Variants in CEP85 observed in about 807,000 individuals in gnomAD.
The protein encoded by CEP85 is centrosomal protein of 85 kDa.
CEP85 carries 58 observed loss-of-function variants against 93.7 expected under a neutral mutation model. The ratio of observed to expected loss-of-function variants is 0.62; its 90% CI spans 0.50 to 0.77. The LOEUF is 0.77. Among genes scored for constraint, CEP85 ranks in the 30% least tolerant of loss-of-function variants. CEP85 has a pLI of 0.00. For synonymous variants in CEP85, 314 were observed against 338.6 expected, an observed-to-expected ratio of 0.93 and a Z score of 0.80; for missense variants, 868 against 922.0, an observed-to-expected ratio of 0.94 and a Z score of 0.76.
intron 3 of CEP85, among the ~76,000 whole-genome samples, chr1:26,252,904 C>A (rs1408587268): frequency 6.6e-6 from 1 of 152,168 alleles, no homozygotes; most frequent in African/African-American, 2.4e-5. Context: ...CTCGATTCCC[C>A]CTGCTCCCAG....
rs181789768 is a variant in CEP85 at position 26,258,303 on chromosome 1, C to T, written c.1155+43C>T. ...GGATGGCATTCTGTTTGTCATAACTCGGTGTCTTCCCTATGCTTGACACCA... is the reference window on the plus strand; with the variant it reads ...GGATGGCATTCTGTTTGTCATAACTTGGTGTCTTCCCTATGCTTGACACCA... On this transcript the variant is annotated intron_variant, in intron 6 of 13. Transcript: ENST00000451429. The T allele has an allele frequency of 7.4e-4, 949 of 1,286,406 alleles. 1 individual carries two copies. The highest frequency in any genetic ancestry group is 1.0e-3 in the Non-Finnish European group (911 of 882,752). 79.7% of individuals were successfully genotyped at this position (1,286,406 alleles called of 1,614,324 possible). A position where few individuals can be genotyped will look rare whatever the true frequency, so the allele number is the denominator to read the frequency against.
chr1:26,260,003 C>G (rs910429895), intron 7 of CEP85, among the ~76,000 whole-genome samples: 1 of 152,134 alleles, frequency 6.6e-6, no homozygotes, highest in African/African-American at 2.4e-5. Context: ...TGCTTCATCT[C>G]CACAAAACCA....
intron 7 of CEP85, among the ~76,000 whole-genome samples, chr1:26,267,440 T>A (rs1408318194): frequency 6.6e-6 from 1 of 152,144 alleles, no homozygotes; most frequent in Non-Finnish European, 1.5e-5. Context: ...GGCGGGTGCC[T>A]GTAATCCCAG....
At chr1:26,275,362 C>T (rs566936968) in intron 12 of CEP85, among the ~76,000 whole-genome samples, 1 of 151,282 alleles carries the variant, frequency 6.6e-6, no homozygotes, top group Non-Finnish European at 1.5e-5. Context: ...CTCACTGCAA[C>T]CTCCGCCTCC....
intron 3 of CEP85, among the ~76,000 whole-genome samples, chr1:26,250,293 C>T (rs1335957891): frequency 6.6e-6 from 1 of 152,180 alleles, no homozygotes; most frequent in Non-Finnish European, 1.5e-5. Context: ...TCTGTCAGAT[C>T]AGTGGTGACA....
rs550020719 is a variant in CEP85, at chr1:26,252,222, G to A, written c.209-2949G>A. Among the ~76,000 whole-genome samples the A allele has an allele frequency of 1.8e-4, 25 of 140,722 alleles. No individual in the cohort carries two copies. In the Middle Eastern group the frequency reaches 0.014, roughly 81 times the overall value. The allele number at this position is 140,722 out of a possible 152,430, so 92.3% of individuals were successfully genotyped here. ...CTCCAGCCTGGACAACAGAGTGAGT[G>A]AGACCCCATCTCAAAAAAGAAAAAA... On this transcript the variant is annotated intron_variant, in intron 3 of 13. Transcript: ENST00000451429.
chr1:26,277,082 ACATGAAAATGTCT>A lies in CEP85; in HGVS notation c.2129-50_2129-38del, dbSNP rs770963488. The A allele has an allele frequency of 1.0e-5, 16 of 1,568,724 alleles. No individual in the cohort carries two copies. The Admixed American group carries it at 1.3e-4, about 13-fold the overall frequency. ...ACTGCCTATCCATACTGCACCCTCCACATGAAAATGTCTCATAACTAACATTCTCTTGAAATGC... is the reference window on the plus strand; with the variant it reads ...ACTGCCTATCCATACTGCACCCTCCACATAACTAACATTCTCTTGAAATGC... On this transcript the variant is annotated intron_variant, in intron 13 of 13. Coordinates refer to ENST00000451429, the MANE Select transcript of CEP85 (RefSeq NM_001319944.2).
intron 5 of CEP85, 92 bp downstream of exon 5, chr1:26,257,822 T>C: frequency 7.0e-7 from 1 of 1,427,580 alleles, no homozygotes; most frequent in South Asian, 1.3e-5. Flanking sequence ...AAAGCATTCC[T>C]CCTCTGTTTA....
rs535802151 is a variant in CEP85 at position 26,258,464 on chromosome 1, G to C, written c.1155+204G>C. Among the ~76,000 whole-genome samples the C allele has an allele frequency of 2.6e-5, 4 of 152,300 alleles. No individual in the cohort carries two copies. In the South Asian group the frequency reaches 8.3e-4, roughly 32 times the overall value. On this transcript the variant is annotated intron_variant, in intron 6 of 13. Coordinates refer to ENST00000451429, the MANE Select transcript of CEP85 (RefSeq NM_001319944.2). ...AGGCTAAGAACCAGGTGAAAGTCCA[G>C]ATGCCTGGGTGTGAAGACATACTTG... is the stretch of plus-strand genomic sequence containing the variant.
intron 2 of CEP85, among the ~76,000 whole-genome samples, chr1:26,242,265 C>A (rs1190063294): frequency 6.6e-6 from 1 of 152,134 alleles, no homozygotes; most frequent in Non-Finnish European, 1.5e-5. Flanking sequence ...TAGAGGCCCT[C>A]AATCTTAACT....
rs765697448 is a variant in CEP85 at position 26,269,517 on chromosome 1, A to G, written c.1552A>G (p.Ser518Gly). 3.3e-5 allele frequency: 54 copies of G among 1,613,960 alleles called. No individual in the cohort carries two copies. The highest frequency in any genetic ancestry group is 4.5e-5 in the Non-Finnish European group (53 of 1,179,968). Residue 518 changes from serine to glycine, a missense_variant, in exon 9 of 14, where the codon AGT (serine) becomes GGT (glycine). Physicochemically the swap from Ser to Gly is moderately conservative, Grantham distance 56. Transcript: ENST00000451429. The part of the protein sequence containing the change: ...ELQEKVTELE[S>G]LLEETQAICR... Reference sequence around the variant, plus strand: ...GCAGGAGAAAGTGACTGAGCTGGAGAGTTTGCTGGAGGAGACCCAGGCAAT... The same window carrying G: ...GCAGGAGAAAGTGACTGAGCTGGAGGGTTTGCTGGAGGAGACCCAGGCAAT...
At position 26,276,627 on chromosome 1, in the gene CEP85, C is replaced by T; in HGVS notation, c.1995C>T (p.Asp665=). ...AACCAGGGTCTCCACCTTCACCAGA[C>T]ACGGCCCAGCTGGCACTTGAGCTGC... The part of the protein sequence containing the change: ...QAQPGSPPSP[D]TAQLALELHQ... The change falls in exon 13 of 14, where the codon GAC becomes GAT. Residue 665 remains aspartate, a synonymous_variant. Coordinates refer to ENST00000451429, the MANE Select transcript of CEP85 (RefSeq NM_001319944.2). The T allele has an allele frequency of 6.2e-7, 1 of 1,614,226 alleles. No homozygotes were observed. The highest frequency in any genetic ancestry group is 8.5e-7 in the Non-Finnish European group (1 of 1,180,044).
intron 9 of CEP85, among the ~76,000 whole-genome samples, 175 bp downstream of exon 9, chr1:26,269,789 T>TTTTGC (rs1315031134): frequency 5.9e-5 from 8 of 134,730 alleles, no homozygotes; most frequent in Non-Finnish European, 8.1e-5. Flanking sequence ...CGGCTTTTTT[T>TTTTGC]TTTTTTTTTT....
intron 1 of CEP85, among the ~76,000 whole-genome samples, chr1:26,234,756 A>T (rs551004744): frequency 6.6e-6 from 1 of 152,274 alleles, no homozygotes; most frequent in South Asian, 2.1e-4. Flanking sequence ...CCCGAGGAGG[A>T]GAAGTTTGAG....
chr1:26,239,693 A>T (rs2089390114), intron 1 of CEP85, 69 bp from the exon 2 acceptor site: 3 of 961,162 alleles, frequency 3.1e-6, no homozygotes, highest in Non-Finnish European at 5.1e-6. Context: ...GTTTCAGTTG[A>T]ATGGGAACTG....
At chr1:26,257,525 T>A in intron 4 of CEP85, 72 bp from the exon 5 acceptor site, 1 of 1,572,732 alleles carries the variant, frequency 6.4e-7, no homozygotes, top group East Asian at 2.2e-5. Flanking sequence ...CAGACCCAGC[T>A]GATTACTGCT....
chr1:26,268,501 CAT>C lies in CEP85; in HGVS notation c.1363_1364del (p.Ile455GlnfsTer2). 2 of 1,614,034 alleles carry C rather than the reference CAT, an allele frequency of 1.2e-6. No homozygotes were observed. The highest frequency in any genetic ancestry group is 2.2e-5 in the East Asian group (1 of 44,886). The stretch of plus-strand genomic sequence containing the variant: ...TTCCTAGGTCAAAGGTCGTGATAAA[CAT>C]ATCAATAATTTGAAAAAGAAATGCC... ...QEERVKGRDK[H>X]INNLKKKCQK... On this transcript the variant is annotated frameshift_variant, in exon 8 of 14. Coordinates refer to ENST00000451429, the MANE Select transcript of CEP85 (RefSeq NM_001319944.2). LOFTEE classifies it high-confidence loss of function.
Position 26,276,683 on chromosome 1 carries a change from T to G in CEP85, c.2051T>G (p.Leu684Arg). 1.2e-6 allele frequency: 2 copies of G among 1,614,212 alleles called. No individual in the cohort carries two copies. Among genetic ancestry groups the G allele is most frequent in the African/African-American group, 1.3e-5 (1 of 75,046 alleles). The stretch of plus-strand genomic sequence containing the variant: ...GAGTTGGCCAGTTGCCTTCAAGATC[T>G]GCAGGCTGTCTGTAGCATTGTGACC... ...HQELASCLQD[L>R]QAVCSIVTQR... Residue 684 changes from leucine (L) to arginine (R), a missense_variant, in exon 13 of 14, where the codon CTG becomes CGG. Physicochemically the swap from Leu to Arg is moderately radical, Grantham distance 102 (BLOSUM62 -2). Coordinates refer to ENST00000451429, the MANE Select transcript of CEP85 (RefSeq NM_001319944.2).
intron 2 of CEP85, among the ~76,000 whole-genome samples, chr1:26,241,543 C>T (rs990020076): frequency 2.6e-5 from 4 of 152,030 alleles, no homozygotes; most frequent in Non-Finnish European, 5.9e-5. Flanking sequence ...TGCACCCGGC[C>T]TCAGGAAATA....
Sources: gnomAD v4.1 joint callset for allele counts (sites outside exome capture counted in the v4.1 genomes callset) on GRCh38, gnomAD v4.1.1 for gene constraint, MANE v1.5 for transcripts, NCBI Gene and HGNC (gene_info 2026-07-23, HGNC 2026-07-21) for gene names.